CLVS1: variants seen among roughly 807,000 people sequenced by gnomAD.
CLVS1 encodes the protein clavesin-1.
In CLVS1, 10 loss-of-function variants were observed where a neutral mutation model predicts 33.1. The ratio of observed to expected loss-of-function variants is 0.30; its 90% CI spans 0.19 to 0.51. The LOEUF (loss-of-function observed/expected upper bound fraction) is 0.51. Ranked by LOEUF, CLVS1 falls within the 20% of genes least tolerant of loss-of-function variation. The pLI is 0.97. For missense variants in CLVS1, 343 were observed against 433.4 expected (o/e 0.79, Z 1.85); for synonymous variants, 163 against 166.1 (o/e 0.98, Z 0.14).
intron 2 of CLVS1, among the ~76,000 whole-genome samples, chr8:61,307,431 G>C (rs4033634): frequency 2.3e-4 from 35 of 152,226 alleles, no homozygotes; most frequent in African/African-American, 8.4e-4. Context: ...TTTCTCCCCA[G>C]AATACAGAGC....
At chr8:61,108,213 G>A (rs1262341329) in intron 1 of CLVS1, among the ~76,000 whole-genome samples, 6 of 127,298 alleles carry the variant, frequency 4.7e-5, no homozygotes, top group African/African-American at 9.9e-5. Context: ...GCAAGACTCC[G>A]TCTCAAAAAA....
At chr8:61,097,961 C>T (rs774587792) in intron 1 of CLVS1, among the ~76,000 whole-genome samples, 26 of 152,082 alleles carry the variant, frequency 1.7e-4, no homozygotes, top group Non-Finnish European at 3.5e-4. Context: ...ATTGTGCCAG[C>T]CTGGGCAACA....
chr8:61,079,086 C>A (rs1225685338), intron 1 of CLVS1, among the ~76,000 whole-genome samples: 1 of 152,084 alleles, frequency 6.6e-6, no homozygotes, highest in Non-Finnish European at 1.5e-5. Context: ...GGGGAAAACT[C>A]AAAAACCGTC....
chr8:61,222,733 T>C (rs535296905), intron 2 of CLVS1, among the ~76,000 whole-genome samples: 2 of 152,266 alleles, frequency 1.3e-5, no homozygotes, highest in East Asian at 3.9e-4. Flanking sequence ...AATATCCTTG[T>C]TAGTTTTCTG....
chr8:61,065,443 G>T (rs944458976), intron 1 of CLVS1, among the ~76,000 whole-genome samples: 1 of 152,112 alleles, frequency 6.6e-6, no homozygotes, highest in Non-Finnish European at 1.5e-5. Flanking sequence ...TTTGAGAGGG[G>T]CACAAATAAA....
At chr8:61,013,107 GGAGA>G in the CLVS1 span, among the ~76,000 whole-genome samples, 1 of 152,294 alleles carries the variant, frequency 6.6e-6, no homozygotes, top group South Asian at 2.1e-4. Flanking sequence ...CATGTCATTT[GGAGA>G]TGGCAGGGGA....
the CLVS1 span, among the ~76,000 whole-genome samples, chr8:60,994,192 G>A: frequency 2.0e-5 from 3 of 151,984 alleles, no homozygotes; most frequent in Admixed American, 1.3e-4. Context: ...GTATCTTCAC[G>A]TGGTCCTTCC....
the CLVS1 span, among the ~76,000 whole-genome samples, chr8:61,009,113 G>A: frequency 1.3e-5 from 2 of 151,844 alleles, no homozygotes; most frequent in African/African-American, 4.8e-5. Context: ...ATTAGTATAA[G>A]AGAGTATACA....
chr8:61,070,495 G>T (rs1260581844), intron 1 of CLVS1, among the ~76,000 whole-genome samples: 1 of 152,182 alleles, frequency 6.6e-6, no homozygotes, highest in African/African-American at 2.4e-5. Flanking sequence ...ATTTCCTATT[G>T]TTTTCCCATC....
chr8:61,178,003 A>G (rs1807151681), intron 2 of CLVS1, among the ~76,000 whole-genome samples: 1 of 152,172 alleles, frequency 6.6e-6, no homozygotes, highest in Non-Finnish European at 1.5e-5. Context: ...AGATGGACGA[A>G]TTGACAGAAG....
chr8:61,398,955 T>C (rs1814643706), intron 3 of CLVS1, among the ~76,000 whole-genome samples: 1 of 152,230 alleles, frequency 6.6e-6, no homozygotes. Flanking sequence ...CTATCATTGA[T>C]GGGCATTTAG....
intron 2 of CLVS1, among the ~76,000 whole-genome samples, chr8:61,221,205 C>G (rs1808209046): frequency 1.3e-5 from 2 of 152,116 alleles, no homozygotes; most frequent in Admixed American, 1.3e-4. Context: ...CCCTGGCCAG[C>G]ACTTCCAATT....
At chr8:61,033,507 C>T in the CLVS1 span, among the ~76,000 whole-genome samples, 2 of 152,196 alleles carry the variant, frequency 1.3e-5, no homozygotes, top group African/African-American at 2.4e-5. Context: ...GCCCCTCACA[C>T]GGAATCTCTT....
chr8:61,253,535 C>T (rs1808998606), intron 2 of CLVS1, among the ~76,000 whole-genome samples: 1 of 152,206 alleles, frequency 6.6e-6, no homozygotes, highest in Non-Finnish European at 1.5e-5. Context: ...TGGTTCCATT[C>T]TCCCTGTCAC....
intron 2 of CLVS1, among the ~76,000 whole-genome samples, chr8:61,305,326 C>T (rs1045669839): frequency 2.0e-5 from 3 of 151,934 alleles, no homozygotes; most frequent in Non-Finnish European, 4.4e-5. Flanking sequence ...CTTCATCCTC[C>T]CTTCCCACTC....
At chr8:61,351,546 T>G (rs1041208673) in intron 2 of CLVS1, among the ~76,000 whole-genome samples, 3 of 151,968 alleles carry the variant, frequency 2.0e-5, no homozygotes, top group Admixed American at 6.6e-5. Flanking sequence ...GGCTGAAAAC[T>G]TCCCAAATTT....
chr8:61,009,877 C>T, the CLVS1 span, among the ~76,000 whole-genome samples: 4 of 152,246 alleles, frequency 2.6e-5, no homozygotes, highest in African/African-American at 9.6e-5. Context: ...GGAAAAATAC[C>T]TCATCTTGTC....
At chr8:60,969,309 C>G in the CLVS1 span, among the ~76,000 whole-genome samples, 1 of 152,176 alleles carries the variant, frequency 6.6e-6, no homozygotes. Flanking sequence ...AGGGCCACTG[C>G]TTGTTTGGCT....
chr8:61,357,852 T>A (rs1436824237), intron 2 of CLVS1, among the ~76,000 whole-genome samples: 1 of 152,094 alleles, frequency 6.6e-6, no homozygotes, highest in Non-Finnish European at 1.5e-5. Flanking sequence ...CCACCAAGCC[T>A]GGCCACCGGG....
Sources: allele counts gnomAD v4.1 joint callset (sites outside exome capture counted in the v4.1 genomes callset), GRCh38; gene constraint gnomAD v4.1.1; transcripts MANE v1.5; gene names NCBI Gene and HGNC (gene_info 2026-07-23, HGNC 2026-07-21).